Variants in DNAJB6 observed in about 807,000 individuals in gnomAD.
The protein encoded by DNAJB6 is dnaJ homolog subfamily B member 6.
A neutral mutation model predicts 42.7 loss-of-function variants in DNAJB6; 16 were observed. That is an observed-to-expected ratio of 0.37 (90% CI 0.25 to 0.57). The LOEUF (loss-of-function observed/expected upper bound fraction) is 0.57. Ranked by LOEUF, DNAJB6 falls within the 20% of genes least tolerant of loss-of-function variation. The pLI, the probability that DNAJB6 is intolerant of heterozygous loss-of-function variation, is 0.74. For missense variants in DNAJB6, 347 were observed against 416.8 expected, an observed-to-expected ratio of 0.83 and a Z score of 1.46; for synonymous variants, 170 against 163.5, an observed-to-expected ratio of 1.04 and a Z score of -0.30.
At chr7:157,374,406 T>C (rs1800368307) in intron 5 of DNAJB6, among the ~76,000 whole-genome samples, 1 of 152,092 alleles carries the variant, frequency 6.6e-6, no homozygotes, top group Admixed American at 6.6e-5. Flanking sequence ...ATTACAGACA[T>C]GTGCCACCGC....
chr7:157,385,525 A>C lies in DNAJB6; in HGVS notation c.621-16A>C. On this transcript the variant is annotated splice_polypyrimidine_tract_variant and intron_variant, in intron 7 of 9. Coordinates refer to ENST00000262177, the MANE Select transcript of DNAJB6 (RefSeq NM_058246.4). ...TCTTTACCAGAAAGGTTTTTAAATG[A>C]ATTTTTTTCCTACAGAATTGTCGAG... 3 of 1,609,376 alleles carry C rather than the reference A, an allele frequency of 1.9e-6. No homozygotes were observed. The highest frequency in any genetic ancestry group is 2.2e-5 in the East Asian group (1 of 44,788).
rs373053637 is a variant in DNAJB6 at position 157,384,798 on chromosome 7, CA to C, written c.479-66del. The C allele has an allele frequency of 6.5e-4, 975 of 1,499,768 alleles. 16 individuals carry two copies. In the South Asian group the frequency reaches 0.011, roughly 17 times the overall value. The allele number at this position is 1,499,768 out of a possible 1,614,324, so 92.9% of individuals were successfully genotyped here. ...ATTAAATATTCTGCTACTGAACTTT[CA>C]AACTCTTGTCTTTGCATTACTAGTT... is the stretch of plus-strand genomic sequence containing the variant. On this transcript the variant is annotated intron_variant, in intron 6 of 9. Transcript: ENST00000262177.
intron 6 of DNAJB6, among the ~76,000 whole-genome samples, chr7:157,383,611 T>TGTGTGTGTG (rs1800898403): frequency 1.3e-5 from 2 of 149,678 alleles, no homozygotes; most frequent in Admixed American, 1.3e-4. Context: ...GTATGTGTGT[T>TGTGTGTGTG]TGTGTGTGTG....
chr7:157,356,876 T>C (rs1799303812), intron 1 of DNAJB6, among the ~76,000 whole-genome samples: 1 of 152,256 alleles, frequency 6.6e-6, no homozygotes, highest in Non-Finnish European at 1.5e-5. Context: ...TATTTGAAGA[T>C]GTACATTTCT....
Position 157,384,875 on chromosome 7 carries a change from T to A in DNAJB6, c.487T>A (p.Ser163Thr). 1.2e-6 allele frequency: 2 copies of A among 1,612,024 alleles called. No homozygotes were observed. Among genetic ancestry groups the A allele is most frequent in the Non-Finnish European group, 1.7e-6 (2 of 1,179,524 alleles). Residue 163 changes from serine (S) to threonine (T), a missense_variant, in exon 7 of 10, where the codon TCA (serine) becomes ACA (threonine). By Grantham distance (58) the Ser-to-Thr change is moderately conservative. Coordinates refer to ENST00000262177, the MANE Select transcript of DNAJB6 (RefSeq NM_058246.4). The part of the protein sequence containing the change: ...GFSSFDTGFT[S>T]FGSLGHGGLT... ...TTTCTGTTTTCCTGTAGGATTTACT[T>A]CATTTGGGTCACTAGGTCACGGGGG...
chr7:157,376,133 T>C (rs551112397), intron 5 of DNAJB6, among the ~76,000 whole-genome samples: 18 of 152,322 alleles, frequency 1.2e-4, no homozygotes, highest in Admixed American at 2.0e-4. Flanking sequence ...CAGGTTCTCA[T>C]GCTTGGTAAA....
At chr7:157,398,892 C>A (rs1396483652) in intron 8 of DNAJB6, among the ~76,000 whole-genome samples, 1 of 152,156 alleles carries the variant, frequency 6.6e-6, no homozygotes, top group Non-Finnish European at 1.5e-5. Context: ...CTTTTCCGTA[C>A]AAATTGCTAA....
intron 5 of DNAJB6, among the ~76,000 whole-genome samples, chr7:157,370,106 CCTT>C (rs749760018): frequency 6.9e-6 from 1 of 145,268 alleles, no homozygotes; most frequent in African/African-American, 2.6e-5. Flanking sequence ...TAAACAGGCC[CCTT>C]CTTAACATTA....
At chr7:157,388,081 A>C (rs1488969390) in intron 8 of DNAJB6, among the ~76,000 whole-genome samples, 1 of 152,174 alleles carries the variant, frequency 6.6e-6, no homozygotes, top group African/African-American at 2.4e-5. Flanking sequence ...CTTGACTTCA[A>C]GTGATCCATC....
intron 1 of DNAJB6, among the ~76,000 whole-genome samples, chr7:157,349,007 A>G (rs939391084): frequency 2.0e-5 from 3 of 152,004 alleles, no homozygotes; most frequent in African/African-American, 7.3e-5. Flanking sequence ...TCTCTATACC[A>G]TCTCCCCAGC....
intron 5 of DNAJB6, among the ~76,000 whole-genome samples, chr7:157,375,582 A>G (rs1800429934): frequency 6.6e-6 from 1 of 152,216 alleles, no homozygotes; most frequent in Admixed American, 6.5e-5. Context: ...GCACTATTCT[A>G]GGTGCTGGTT....
chr7:157,416,021 A>T lies in DNAJB6; in HGVS notation c.904A>T (p.Lys302Ter), dbSNP rs1398454870. 1 of 1,614,188 alleles carries T rather than the reference A, an allele frequency of 6.2e-7. No homozygotes were observed. The highest frequency in any genetic ancestry group is 8.5e-7 in the Non-Finnish European group (1 of 1,180,044). The change falls in exon 10 of 10, where the codon AAA becomes TAA. Residue 302 changes from lysine (K) to a stop codon, truncating the protein, a stop_gained. Transcript: ENST00000262177. LOFTEE classifies it high-confidence loss of function. Reference sequence around the variant, plus strand: ...TACAAGCCGTGTTTCCTTAGGATTGAAAGAAGGTGGCAAGAGGAAGAAGCA... The same window carrying T: ...TACAAGCCGTGTTTCCTTAGGATTGTAAGAAGGTGGCAAGAGGAAGAAGCA... ...WDPLASAAGL[K>*]EGGKRKKQKQ... is the part of the protein sequence containing the mutation.
intron 8 of DNAJB6, among the ~76,000 whole-genome samples, chr7:157,392,831 A>T (rs778858092): frequency 1.3e-5 from 2 of 152,172 alleles, no homozygotes; most frequent in African/African-American, 2.4e-5. Flanking sequence ...GTAGGTGTGC[A>T]CATTTCCTCA....
intron 1 of DNAJB6, among the ~76,000 whole-genome samples, chr7:157,341,994 G>A (rs1248633006): frequency 6.6e-6 from 1 of 152,000 alleles, no homozygotes; most frequent in Non-Finnish European, 1.5e-5. Context: ...AGCCTCCCTG[G>A]TAGCTGAGAT....
intron 5 of DNAJB6, among the ~76,000 whole-genome samples, chr7:157,377,731 A>G (rs1274730554): frequency 6.6e-6 from 1 of 152,220 alleles, no homozygotes; most frequent in Non-Finnish European, 1.5e-5. Flanking sequence ...ATCACCCAGA[A>G]GGATGTTCGG....
rs769154462 is a variant in DNAJB6 at position 157,358,531 on chromosome 7, C to T, written c.-26-16C>T. The T allele has an allele frequency of 6.4e-7, 1 of 1,561,312 alleles. No individual in the cohort carries two copies. The highest frequency in any genetic ancestry group is 1.1e-5 in the South Asian group (1 of 89,890). ...CCCCAGCAGCCTCATCACTGACCAC[C>T]TGTTTTTACTTGCAGGACCCATTCC... On this transcript the variant is annotated splice_polypyrimidine_tract_variant and intron_variant, in intron 1 of 9. Coordinates refer to ENST00000262177, the MANE Select transcript of DNAJB6 (RefSeq NM_058246.4).
At chr7:157,344,157 G>A (rs1473970048) in intron 1 of DNAJB6, among the ~76,000 whole-genome samples, 1 of 152,160 alleles carries the variant, frequency 6.6e-6, no homozygotes, top group Non-Finnish European at 1.5e-5. Context: ...TGGCTAGCAT[G>A]GTGAAACCCC....
chr7:157,354,001 G>T (rs1189152062), intron 1 of DNAJB6, among the ~76,000 whole-genome samples: 1 of 151,976 alleles, frequency 6.6e-6, no homozygotes, highest in Non-Finnish European at 1.5e-5. Flanking sequence ...AAATTTTCTT[G>T]CTTGATCTAG....
At chr7:157,395,521 T>C (rs543941299) in intron 8 of DNAJB6, among the ~76,000 whole-genome samples, 117 of 152,278 alleles carry the variant, frequency 7.7e-4, no homozygotes, top group African/African-American at 2.6e-3. Flanking sequence ...TGCCTTCTTA[T>C]GGAAGTCCCT....
Sources: allele counts gnomAD v4.1 joint callset (sites outside exome capture counted in the v4.1 genomes callset), GRCh38; gene constraint gnomAD v4.1.1; transcripts MANE v1.5; gene names NCBI Gene and HGNC (gene_info 2026-07-23, HGNC 2026-07-21).